The following HMGB1 variants were observed in gnomAD, a reference collection of about 807,000 sequenced individuals.
HMGB1 encodes high mobility group protein B1.
For synonymous variants in HMGB1, 81 were observed against 84.0 expected, an observed-to-expected ratio of 0.96 and a Z score of 0.19; for missense variants, 79 against 253.5, an observed-to-expected ratio of 0.31 and a Z score of 4.67.
At position 30,459,577 on chromosome 13, in the gene HMGB1, T is replaced by C. The variant is rs181176700; in HGVS notation, c.*1780A>G. On this transcript the variant is annotated 3_prime_UTR_variant, in exon 5 of 5. Transcript: ENST00000341423. The stretch of plus-strand genomic sequence containing the variant: ...ACTAACCCTGCTGTTCGCTTGCATG[T>C]ATCTTGTTTTTAAAAATCTTGTTTA... The C allele has an allele frequency of 2.0e-3, 307 of 152,144 alleles. 3 individuals are homozygous for C. The highest frequency in any genetic ancestry group is 6.9e-3 in the African/African-American group (284 of 41,400). 9.4% of individuals were successfully genotyped at this position (152,144 alleles called of 1,614,324 possible). A position where few individuals can be genotyped will look rare whatever the true frequency, so the allele number is the denominator to read the frequency against.
chr13:30,525,569 T>TA (rs939242244), intron 1 of HMGB1, among the ~76,000 whole-genome samples: 1 of 152,144 alleles, frequency 6.6e-6, no homozygotes, highest in Non-Finnish European at 1.5e-5. Flanking sequence ...CTTAATTATG[T>TA]AAAAAAATTC....
chr13:30,505,441 G>A (rs1887838514), intron 1 of HMGB1, among the ~76,000 whole-genome samples: 1 of 151,982 alleles, frequency 6.6e-6, no homozygotes, highest in Non-Finnish European at 1.5e-5. Flanking sequence ...ACCTCCCAAA[G>A]TGCTGGGATT....
chr13:30,586,479 G>GTTTTTT (rs11315470), intron 1 of HMGB1, among the ~76,000 whole-genome samples: 2 of 105,068 alleles, frequency 1.9e-5, no homozygotes, highest in Admixed American at 1.2e-4. Flanking sequence ...GGTTTTTTTT[G>GTTTTTT]TTTTTTTTTT....
chr13:30,516,217 C>T (rs1888098965), intron 1 of HMGB1, among the ~76,000 whole-genome samples: 1 of 152,186 alleles, frequency 6.6e-6, no homozygotes, highest in Admixed American at 6.5e-5. Flanking sequence ...GAACAAATTC[C>T]TCCCTCCTGA....
At chr13:30,498,592 C>G (rs1232470355) in intron 1 of HMGB1, among the ~76,000 whole-genome samples, 1 of 151,230 alleles carries the variant, frequency 6.6e-6, no homozygotes, top group Non-Finnish European at 1.5e-5. Flanking sequence ...TGATTCTTGC[C>G]CCAAATACAC....
intron 1 of HMGB1, among the ~76,000 whole-genome samples, chr13:30,614,829 G>A (rs1566041596): frequency 6.6e-6 from 1 of 151,684 alleles, no homozygotes; most frequent in Non-Finnish European, 1.5e-5. Flanking sequence ...CTCCCGAGTA[G>A]CTGGGTTTAC....
chr13:30,601,652 A>G (rs2137564305), intron 1 of HMGB1, among the ~76,000 whole-genome samples: 1 of 70,948 alleles, frequency 1.4e-5, no homozygotes, highest in East Asian at 2.5e-4. Context: ...AGGCTGAGGC[A>G]GGAGAATGGC....
chr13:30,589,869 CA>C (rs78862948), intron 1 of HMGB1, among the ~76,000 whole-genome samples: 9,655 of 121,618 alleles, frequency 0.079, 742 homozygotes, highest in African/African-American at 0.22. Context: ...GACTCTGTCT[CA>C]AAAAAAAAAA....
At chr13:30,553,913 G>A in intron 1 of HMGB1, 1 of 1,404,654 alleles carries the variant, frequency 7.1e-7, no homozygotes, top group East Asian at 2.3e-5. Context: ...AGGCACGAAG[G>A]AGTTACATCT....
At position 30,461,650 on chromosome 13, in the gene HMGB1, G is replaced by GT. The variant is rs752895014; in HGVS notation, c.472-118dup. The GT allele has an allele frequency of 2.5e-5, 40 of 1,589,462 alleles. 1 individual carries two copies. The South Asian group carries it at 4.4e-4, about 17-fold the overall frequency. ...GATTCTAGTTATACCAAAATATCAC[G>GT]TATCTGTAGATCCACAGCAACTCCA... On this transcript the variant is annotated intron_variant, in intron 4 of 4. Transcript: ENST00000341423.
At chr13:30,553,157 G>A (rs1869508783) in intron 1 of HMGB1, among the ~76,000 whole-genome samples, 1 of 152,224 alleles carries the variant, frequency 6.6e-6, no homozygotes, top group Non-Finnish European at 1.5e-5. Flanking sequence ...TCAAGTAGCA[G>A]ATATTCATAA....
chr13:30,477,950 C>CA (rs1298515635), intron 1 of HMGB1, among the ~76,000 whole-genome samples: 1 of 152,084 alleles, frequency 6.6e-6, no homozygotes, highest in Non-Finnish European at 1.5e-5. Context: ...AAATCAACAA[C>CA]AAAAAACGTG....
At chr13:30,536,569 C>T (rs1049536146) in intron 1 of HMGB1, among the ~76,000 whole-genome samples, 2 of 152,084 alleles carry the variant, frequency 1.3e-5, no homozygotes, top group African/African-American at 2.4e-5. Context: ...AGGCTGGTCT[C>T]GAACTCCTGA....
At chr13:30,590,554 T>C (rs1229404275) in intron 1 of HMGB1, among the ~76,000 whole-genome samples, 1 of 152,176 alleles carries the variant, frequency 6.6e-6, no homozygotes, top group African/African-American at 2.4e-5. Context: ...ATACTGCACA[T>C]GCAACTGTAA....
chr13:30,462,281 A>G (rs1006517248), intron 4 of HMGB1: 1 of 486,664 alleles, frequency 2.1e-6, no homozygotes, highest in Non-Finnish European at 3.8e-6. Context: ...GACTACCAAC[A>G]TTTTCATGAA....
intron 1 of HMGB1, among the ~76,000 whole-genome samples, chr13:30,507,121 T>C (rs1441478827): frequency 6.6e-6 from 1 of 152,172 alleles, no homozygotes; most frequent in African/African-American, 2.4e-5. Flanking sequence ...TCCAGCTCCA[T>C]CTTCTGTCAC....
intron 2 of HMGB1, 74 bp from the exon 3 acceptor site, chr13:30,463,426 A>G: frequency 6.5e-7 from 1 of 1,533,630 alleles, no homozygotes; most frequent in South Asian, 1.2e-5. Context: ...GTCTTTTGCT[A>G]TGTAATAGCG....
At chr13:30,570,158 G>A (rs544001271) in intron 1 of HMGB1, among the ~76,000 whole-genome samples, 7 of 152,180 alleles carry the variant, frequency 4.6e-5, no homozygotes, top group African/African-American at 1.7e-4. Context: ...TGGAAGCCTC[G>A]CTCTGCTTAA....
intron 1 of HMGB1, among the ~76,000 whole-genome samples, chr13:30,521,113 G>C (rs573084372): frequency 6.6e-6 from 1 of 152,120 alleles, no homozygotes; most frequent in East Asian, 1.9e-4. Context: ...GGTTAATCAA[G>C]CCCAGAACTG....
Sources: gnomAD v4.1 joint callset for allele counts (sites outside exome capture counted in the v4.1 genomes callset) on GRCh38, gnomAD v4.1.1 for gene constraint, MANE v1.5 for transcripts, NCBI Gene and HGNC (gene_info 2026-07-23, HGNC 2026-07-21) for gene names.